The following RAB3C variants were observed in gnomAD, a reference collection of about 807,000 sequenced individuals.
The protein encoded by RAB3C is RAB3C, member RAS oncogene family.
In RAB3C, 17 loss-of-function variants were observed where a neutral mutation model predicts 26.4. The ratio of observed to expected loss-of-function variants is 0.64; its 90% confidence interval spans 0.44 to 0.97. The LOEUF (loss-of-function observed/expected upper bound fraction) is 0.97, where lower values mean the gene tolerates loss of function less well. Among genes scored for constraint, RAB3C ranks in the 50% least tolerant of loss-of-function variants. RAB3C has a pLI of 0.00. For synonymous variants in RAB3C, 91 were observed against 95.9 expected (o/e 0.95, Z 0.30); for missense variants, 242 against 281.9 (o/e 0.86, Z 1.01).
At chr5:58,605,023 T>G (rs569585318) in intron 1 of RAB3C, among the ~76,000 whole-genome samples, 2 of 152,280 alleles carry the variant, frequency 1.3e-5, no homozygotes, top group East Asian at 1.9e-4. Context: ...TCTCTTGGCT[T>G]GGCTCTCTAA....
At chr5:58,701,233 C>T (rs1050471824) in intron 2 of RAB3C, among the ~76,000 whole-genome samples, 4 of 152,134 alleles carry the variant, frequency 2.6e-5, no homozygotes, top group Non-Finnish European at 5.9e-5. Context: ...GATCTCCTGA[C>T]CTCATGATCC....
chr5:58,809,653 G>A (rs1579930673), intron 3 of RAB3C, among the ~76,000 whole-genome samples: 1 of 152,158 alleles, frequency 6.6e-6, no homozygotes, highest in Non-Finnish European at 1.5e-5. Flanking sequence ...CCTCTGAGAG[G>A]TAATTAGTTT....
chr5:58,690,581 T>G (rs1186322914), intron 2 of RAB3C, among the ~76,000 whole-genome samples: 1 of 152,158 alleles, frequency 6.6e-6, no homozygotes, highest in Non-Finnish European at 1.5e-5. Flanking sequence ...TTTTCCTCCA[T>G]GCAGTCTCTA....
chr5:58,618,670 T>A (rs1346623170), intron 2 of RAB3C, among the ~76,000 whole-genome samples: 1 of 152,112 alleles, frequency 6.6e-6, no homozygotes, highest in Non-Finnish European at 1.5e-5. Context: ...GCAGCCAATT[T>A]AAAAAAATTG....
intron 2 of RAB3C, among the ~76,000 whole-genome samples, chr5:58,672,066 A>G (rs567054505): frequency 6.6e-6 from 1 of 152,336 alleles, no homozygotes; most frequent in African/African-American, 2.4e-5. Flanking sequence ...TAGTAAATAT[A>G]CTTTTAAGAT....
chr5:58,672,637 G>A (rs1334717906), intron 2 of RAB3C, among the ~76,000 whole-genome samples: 1 of 152,084 alleles, frequency 6.6e-6, no homozygotes, highest in Admixed American at 6.5e-5. Context: ...GCTGTATTGA[G>A]ATATAATTGA....
In RAB3C at chr5:58,685,239, T is replaced by C. The variant is rs74543169; in HGVS notation, c.253-40763T>C. 3.3e-4 allele frequency among the ~76,000 whole-genome samples: 50 copies of C among 152,282 alleles called. 1 individual carries two copies. In the East Asian group the frequency reaches 7.9e-3, roughly 24 times the overall value. ...TTTCCCTCAGATAAGGGACAACTAC[T>C]GTATTATCTTATGTTCTTGGGGTTA... is the stretch of plus-strand genomic sequence containing the variant. On this transcript the variant is annotated intron_variant, in intron 2 of 4. Coordinates refer to ENST00000282878, the MANE Select transcript of RAB3C (RefSeq NM_138453.4).
At position 58,716,801 on chromosome 5, in the gene RAB3C, TAAA is replaced by T. The variant is rs541771825; in HGVS notation, c.253-9186_253-9184del. ...GTATTTCCAGTCATTGTTCTCTTAT[TAAA>T]AAAAAAAAAAAAAACAACTCAGGCA... On this transcript the variant is annotated intron_variant, in intron 2 of 4. Transcript: ENST00000282878. 9.1e-4 allele frequency among the ~76,000 whole-genome samples: 116 copies of T among 127,486 alleles called. 1 individual carries two copies. Among genetic ancestry groups the T allele is most frequent in the African/African-American group, 3.2e-3 (115 of 35,482 alleles). 83.6% of individuals were successfully genotyped at this position (127,486 alleles called of 152,430 possible).
intron 2 of RAB3C, among the ~76,000 whole-genome samples, chr5:58,697,256 G>GT (rs944744904): frequency 2.8e-4 from 43 of 152,292 alleles, no homozygotes; most frequent in African/African-American, 9.9e-4. Context: ...TTAATCCTGA[G>GT]TTTTAGTTTG....
At chr5:58,621,775 C>G (rs1746946075) in intron 2 of RAB3C, among the ~76,000 whole-genome samples, 1 of 151,948 alleles carries the variant, frequency 6.6e-6, no homozygotes, top group African/African-American at 2.4e-5. Flanking sequence ...GGGGTTTCAC[C>G]ATGTTGGCCA....
At chr5:58,705,079 AT>A (rs11286912) in intron 2 of RAB3C, among the ~76,000 whole-genome samples, 7,596 of 152,130 alleles carry the variant, frequency 0.05, 636 homozygotes, top group African/African-American at 0.17. Context: ...CACTATGATA[AT>A]TTTTTTCCTG....
rs567262906 is a variant in RAB3C, at chr5:58,694,885, G to C, written c.253-31117G>C. On this transcript the variant is annotated intron_variant, in intron 2 of 4. Coordinates refer to ENST00000282878, the MANE Select transcript of RAB3C (RefSeq NM_138453.4). ...TTTTCTCCCATTCTGTAGGTTGCCTGTTCACTCTGATGGTAGTTTCTTTTG... is the reference window on the plus strand; with the variant it reads ...TTTTCTCCCATTCTGTAGGTTGCCTCTTCACTCTGATGGTAGTTTCTTTTG... 1.7e-3 allele frequency among the ~76,000 whole-genome samples: 261 copies of C among 152,274 alleles called. 1 individual carries two copies. Among genetic ancestry groups the C allele is most frequent in the African/African-American group, 5.9e-3 (244 of 41,564 alleles).
chr5:58,848,562 A>T (rs892063413), intron 4 of RAB3C: 2 of 152,232 alleles, frequency 1.3e-5, no homozygotes, highest in Non-Finnish European at 2.9e-5. Flanking sequence ...ATTGGAGAAA[A>T]TAATGGTACC....
chr5:58,739,369 ATT>A (rs1741226230), intron 3 of RAB3C, among the ~76,000 whole-genome samples: 1 of 152,130 alleles, frequency 6.6e-6, no homozygotes, highest in African/African-American at 2.4e-5. Flanking sequence ...AGTCTTTGAT[ATT>A]GTTTGCTAAG....
intron 2 of RAB3C, among the ~76,000 whole-genome samples, chr5:58,705,710 C>T (rs1748929947): frequency 6.6e-6 from 1 of 152,140 alleles, no homozygotes. Flanking sequence ...TTCCCAAGCA[C>T]TTTTGTCTTC....
intron 4 of RAB3C, among the ~76,000 whole-genome samples, chr5:58,827,409 T>A (rs1002917528): frequency 6.6e-6 from 1 of 152,206 alleles, no homozygotes. Flanking sequence ...AGCCAAGAAT[T>A]GTTTAATGTC....
At chr5:58,582,932 T>G (rs573621982), upstream of RAB3C, 390 of 765,092 alleles carry the variant, frequency 5.1e-4, 2 homozygotes, top group Admixed American at 1.3e-4. Context: ...TCGAGCCTGT[T>G]TAATGGTTTG....
intron 2 of RAB3C, among the ~76,000 whole-genome samples, chr5:58,704,140 TA>T (rs942034174): frequency 6.6e-6 from 1 of 152,246 alleles, no homozygotes; most frequent in African/African-American, 2.4e-5. Flanking sequence ...TTACCTATTT[TA>T]AGCCACTATT....
intron 3 of RAB3C, among the ~76,000 whole-genome samples, chr5:58,746,309 T>A (rs1342578131): frequency 2.0e-5 from 3 of 152,176 alleles, no homozygotes; most frequent in Admixed American, 1.3e-4. Context: ...TATCAGGCAG[T>A]CTACACTTTT....
Sources: allele counts gnomAD v4.1 joint callset (sites outside exome capture counted in the v4.1 genomes callset), GRCh38; gene constraint gnomAD v4.1.1; transcripts MANE v1.5; gene names NCBI Gene and HGNC (gene_info 2026-07-23, HGNC 2026-07-21).